Variants in YWHAQ observed in about 807,000 individuals in gnomAD.
The protein encoded by YWHAQ is 14-3-3 protein theta.
YWHAQ carries 6 observed loss-of-function variants against 28.3 expected under a neutral mutation model. The ratio of observed to expected loss-of-function variants is 0.21; its 90% CI spans 0.12 to 0.42. The LOEUF (loss-of-function observed/expected upper bound fraction) is 0.42. Ranked by LOEUF, YWHAQ falls within the 10% of genes least tolerant of loss-of-function variation. The pLI, the probability that YWHAQ is intolerant of heterozygous loss-of-function variation, is 1.00. For synonymous variants in YWHAQ, 143 were observed against 119.1 expected, an observed-to-expected ratio of 1.20 and a Z score of -1.31; for missense variants, 201 against 305.6, an observed-to-expected ratio of 0.66 and a Z score of 2.55.
At chr2:9,629,434 T>C (rs1667310704) in intron 2 of YWHAQ, among the ~76,000 whole-genome samples, 1 of 152,170 alleles carries the variant, frequency 6.6e-6, no homozygotes, top group African/African-American at 2.4e-5. Context: ...CCAACAATCG[T>C]CCTTGCTAAG....
rs1249265338 is a variant in YWHAQ, at chr2:9,585,477, G to A, written c.679-132C>T. ...AATGGAGATCTTGACTAAGACTGAAGTTCTCTCTCAAAACCCCAAAGACCA... is the reference window on the plus strand; with the variant it reads ...AATGGAGATCTTGACTAAGACTGAAATTCTCTCTCAAAACCCCAAAGACCA... On this transcript the variant is annotated intron_variant, in intron 5 of 5. Coordinates refer to ENST00000238081, the MANE Select transcript of YWHAQ (RefSeq NM_006826.4). 8.9e-6 allele frequency: 9 copies of A among 1,012,260 alleles called. No homozygotes were observed. In the East Asian group the frequency reaches 1.0e-4, roughly 12 times the overall value. 62.7% of individuals were successfully genotyped at this position (1,012,260 alleles called of 1,614,324 possible). A position where few individuals can be genotyped will look rare whatever the true frequency, so the allele number is the denominator to read the frequency against.
chr2:9,609,801 A>C (rs2125069348), intron 2 of YWHAQ, among the ~76,000 whole-genome samples: 1 of 152,350 alleles, frequency 6.6e-6, no homozygotes, highest in Non-Finnish European at 1.5e-5. Flanking sequence ...CACCACACAA[A>C]AACAGTGCAA....
At chr2:9,617,270 T>C (rs868251695) in intron 2 of YWHAQ, among the ~76,000 whole-genome samples, 23 of 152,108 alleles carry the variant, frequency 1.5e-4, no homozygotes, top group African/African-American at 5.5e-4. Context: ...CCAAAAAAAG[T>C]AGTATTTCTA....
intron 2 of YWHAQ, among the ~76,000 whole-genome samples, chr2:9,612,510 T>C (rs1409140001): frequency 1.3e-5 from 2 of 152,304 alleles, no homozygotes; most frequent in East Asian, 1.9e-4. Context: ...TATACAAAGA[T>C]TGTTATTCTG....
Position 9,630,481 on chromosome 2 carries a change from A to G in YWHAQ, c.-29T>C, listed in dbSNP as rs774805872. ...GGGCGCGGGGCCGGGGCCGGGGCGG[A>G]GGGCGAGGAGAGCGAGGGCGAGCGC... On this transcript the variant is annotated 5_prime_UTR_variant, in exon 2 of 6. Transcript: ENST00000238081. The surrounding 1 kb of genome is among the most constrained non-coding windows in gnomAD (Gnocchi z 5.6). 12 of 1,197,888 alleles carry G rather than the reference A, an allele frequency of 1.0e-5. No homozygotes were observed. Among genetic ancestry groups the G allele is most frequent in the Admixed American group, 1.9e-5 (1 of 51,930 alleles). The allele number at this position is 1,197,888 out of a possible 1,614,324, so 74.2% of individuals were successfully genotyped here.
In YWHAQ at chr2:9,630,480, GA is replaced by G. The variant is rs776483508; in HGVS notation, c.-29del. 2.1e-5 allele frequency: 33 copies of G among 1,560,754 alleles called. 1 individual carries two copies. Among genetic ancestry groups the G allele is most frequent in the South Asian group, 7.0e-5 (6 of 85,794 alleles). On this transcript the variant is annotated 5_prime_UTR_variant, in exon 2 of 6. Transcript: ENST00000238081. This position sits in a 1 kb window ranked among gnomAD's most constrained non-coding sequence, Gnocchi z 5.6. The stretch of plus-strand genomic sequence containing the variant: ...CGGGCGCGGGGCCGGGGCCGGGGCG[GA>G]GGGCGAGGAGAGCGAGGGCGAGCGC...
chr2:9,590,587 GATCT>G (rs1666435661), intron 3 of YWHAQ, among the ~76,000 whole-genome samples: 3 of 152,130 alleles, frequency 2.0e-5, no homozygotes, highest in African/African-American at 7.2e-5. Context: ...AATTTAATGA[GATCT>G]ATCTTATATT....
At chr2:9,607,711 C>CTTTT (rs34963513) in intron 2 of YWHAQ, among the ~76,000 whole-genome samples, 17 of 128,668 alleles carry the variant, frequency 1.3e-4, no homozygotes, top group African/African-American at 3.6e-4. Flanking sequence ...AATTCTTCCT[C>CTTTT]TTTTTTTTTT....
chr2:9,606,808 T>C (rs940019878), intron 2 of YWHAQ, among the ~76,000 whole-genome samples: 1 of 152,206 alleles, frequency 6.6e-6, no homozygotes, highest in African/African-American at 2.4e-5. Context: ...ATATACTAAT[T>C]AGTTCATTTT....
chr2:9,606,381 C>CA, intron 2 of YWHAQ, among the ~76,000 whole-genome samples: 1 of 151,720 alleles, frequency 6.6e-6, no homozygotes, highest in East Asian at 1.9e-4. Context: ...GCCTGGGAAA[C>CA]ACGGTGAAAC....
intron 2 of YWHAQ, among the ~76,000 whole-genome samples, chr2:9,624,092 C>T (rs1667198613): frequency 1.3e-5 from 2 of 151,998 alleles, no homozygotes; most frequent in Non-Finnish European, 2.9e-5. Flanking sequence ...TTCATCTCTA[C>T]AAAAAATACA....
At chr2:9,622,186 A>T (rs1222178079) in intron 2 of YWHAQ, among the ~76,000 whole-genome samples, 1 of 152,064 alleles carries the variant, frequency 6.6e-6, no homozygotes, top group Non-Finnish European at 1.5e-5. Context: ...AAGTATTAAA[A>T]AAAAAAAAAA....
At position 9,591,429 on chromosome 2, in the gene YWHAQ, C is replaced by T. The variant is rs1055486082; in HGVS notation, c.381G>A (p.Arg127=). 5.0e-6 allele frequency: 8 copies of T among 1,613,202 alleles called. No homozygotes were observed. Among genetic ancestry groups the T allele is most frequent in the African/African-American group, 1.3e-5 (1 of 75,040 alleles). ...CACCACACGCAACTTCAGCAAGGTA[C>T]CGGAAGTAATCACCCTTCATTTTCA... ...FYLKMKGDYF[R]YLAEVACGDD... The change falls in exon 3 of 6, where the codon CGG becomes CGA. Residue 127 remains arginine (R), a synonymous_variant. Transcript: ENST00000238081.
chr2:9,629,683 A>G lies in YWHAQ; in HGVS notation c.294+476T>C, dbSNP rs369522743. Among the ~76,000 whole-genome samples the G allele has an allele frequency of 1.0e-3, 152 of 152,330 alleles. 2 individuals are homozygous for G. Among genetic ancestry groups the G allele is most frequent in the African/African-American group, 3.5e-3 (146 of 41,562 alleles). On this transcript the variant is annotated intron_variant, in intron 2 of 5. Coordinates refer to ENST00000238081, the MANE Select transcript of YWHAQ (RefSeq NM_006826.4). ...AGCACAACAGATACTCTTACTTGAAAAATAAAGTATCTGTTCAGATTTTCT... is the reference window on the plus strand; with the variant it reads ...AGCACAACAGATACTCTTACTTGAAGAATAAAGTATCTGTTCAGATTTTCT...
At chr2:9,611,701 C>G (rs763873446) in intron 2 of YWHAQ, among the ~76,000 whole-genome samples, 1 of 152,174 alleles carries the variant, frequency 6.6e-6, no homozygotes, top group African/African-American at 2.4e-5. Flanking sequence ...CTAGGTCTCA[C>G]TGTGTCACCC....
intron 2 of YWHAQ, among the ~76,000 whole-genome samples, chr2:9,597,517 G>A (rs560998713): frequency 7.9e-5 from 12 of 151,442 alleles, no homozygotes; most frequent in African/African-American, 2.7e-4. Context: ...GTGGTGGCAG[G>A]CACCTGTAAT....
intron 2 of YWHAQ, among the ~76,000 whole-genome samples, chr2:9,606,946 A>G (rs1019129597): frequency 1.3e-5 from 2 of 148,700 alleles, no homozygotes; most frequent in African/African-American, 5.0e-5. Context: ...GTGCAGTAGC[A>G]TAATCTTGGC....
Position 9,587,394 on chromosome 2 carries a change from TAA to T in YWHAQ, c.678+18_678+19del, listed in dbSNP as rs760993645. On this transcript the variant is annotated intron_variant, in intron 5 of 5. Transcript: ENST00000238081. ...TTTGTTTCTGAAAAGAAAATAAAAT[TAA>T]AAGAGTAAACAACTCACTGTTAGGT... 2.1e-4 allele frequency: 324 copies of T among 1,578,260 alleles called. 2 individuals carry two copies. The highest frequency in any genetic ancestry group is 6.5e-4 in the Admixed American group (33 of 50,450).
intron 2 of YWHAQ, among the ~76,000 whole-genome samples, chr2:9,598,453 GGT>G (rs966940499): frequency 1.4e-4 from 22 of 152,098 alleles, no homozygotes; most frequent in African/African-American, 5.3e-4. Flanking sequence ...CAGATACTGT[GGT>G]GTGTTTTTGT....
Sources: gnomAD v4.1 joint callset for allele counts (sites outside exome capture counted in the v4.1 genomes callset) on GRCh38, gnomAD v4.1.1 for gene constraint, Gnocchi (gnomAD v3.1) non-coding constraint, MANE v1.5 for transcripts, NCBI Gene and HGNC (gene_info 2026-07-23, HGNC 2026-07-21) for gene names.